Variants in CPNE5 observed in about 807,000 individuals in gnomAD.
The protein encoded by CPNE5 is copine 5.
A neutral mutation model predicts 81.1 loss-of-function variants in CPNE5; 42 were observed. The ratio of observed to expected loss-of-function variants is 0.52; its 90% CI spans 0.40 to 0.67. The LOEUF is 0.67. CPNE5 is among the 30% of genes least tolerant of loss of function. The pLI is 0.00. For synonymous variants in CPNE5, 313 were observed against 321.5 expected (o/e 0.97, Z 0.28); for missense variants, 612 against 815.5 (o/e 0.75, Z 3.04).
intron 1 of CPNE5, among the ~76,000 whole-genome samples, chr6:36,834,303 G>A (rs1399637770): frequency 1.2e-5 from 1 of 85,858 alleles, no homozygotes; most frequent in African/African-American, 4.5e-5. Context: ...GAGGGAGGGA[G>A]GGAGGGAGGA....
chr6:36,836,890 C>T (rs1773556282), intron 1 of CPNE5, among the ~76,000 whole-genome samples: 2 of 152,160 alleles, frequency 1.3e-5, no homozygotes, highest in Admixed American at 6.5e-5. Flanking sequence ...CCTCATCTCT[C>T]CCCACCAAAA....
Position 36,835,907 on chromosome 6 carries a change from A to G in CPNE5, c.95+3376T>C, listed in dbSNP as rs1034963038. On this transcript the variant is annotated intron_variant, in intron 1 of 20. Transcript: ENST00000244751. ...AATTTTTATTAACTTCCAGGTATCAAATAAGCAACAACATCAGTCGCTATT... is the reference window on the plus strand; with the variant it reads ...AATTTTTATTAACTTCCAGGTATCAGATAAGCAACAACATCAGTCGCTATT... Among the ~76,000 whole-genome samples the G allele has an allele frequency of 3.3e-5, 5 of 152,348 alleles. No homozygotes were observed. The East Asian group carries it at 9.6e-4, about 29-fold the overall frequency.
chr6:36,826,279 CAG>C (rs1772495950), intron 1 of CPNE5, among the ~76,000 whole-genome samples: 1 of 152,194 alleles, frequency 6.6e-6, no homozygotes, highest in African/African-American at 2.4e-5. Flanking sequence ...GACTAAGAAA[CAG>C]AATCTAGCCA....
chr6:36,839,389 C>A lies in CPNE5; in HGVS notation c.-12G>T, dbSNP rs776372762. 1.3e-6 allele frequency: 2 copies of A among 1,532,934 alleles called. No individual in the cohort carries two copies. Among genetic ancestry groups the A allele is most frequent in the Admixed American group, 2.0e-5 (1 of 50,020 alleles). The allele number at this position is 1,532,934 out of a possible 1,614,324, so 95.0% of individuals were successfully genotyped here. ...TCAGGCTGCTCCATCGCCCACCGCA[C>A]CCCCCACCCCAAATTAGTCAATCCC... On this transcript the variant is annotated 5_prime_UTR_variant, in exon 1 of 21. Coordinates refer to ENST00000244751, the MANE Select transcript of CPNE5 (RefSeq NM_020939.2). The surrounding 1 kb of genome is among the most constrained non-coding windows in gnomAD (Gnocchi z 7.3).
intron 3 of CPNE5, among the ~76,000 whole-genome samples, chr6:36,802,326 A>G (rs1263953038): frequency 1.3e-5 from 2 of 151,362 alleles, no homozygotes; most frequent in Non-Finnish European, 2.9e-5. Context: ...GCATAGTACC[A>G]TGCACTTGGG....
chr6:36,744,441 A>G (rs1763899909), intron 18 of CPNE5, 116 bp from the exon 19 acceptor site: 2 of 774,220 alleles, frequency 2.6e-6, no homozygotes, highest in Admixed American at 4.1e-5. Flanking sequence ...TGGGAGAGTG[A>G]ACATGGAGAG....
At chr6:36,768,225 C>CTTTTTTTTTTTTTTTTTTTTTTTTTTT (rs10586762) in intron 10 of CPNE5, among the ~76,000 whole-genome samples, 1 of 60,496 alleles carries the variant, frequency 1.7e-5, no homozygotes, top group African/African-American at 6.4e-5. Context: ...ATTCACAGTT[C>CTTTTTTTTTTTTTTTTTTTTTTTTTTT]TTTTTTTTTT....
At chr6:36,808,238 C>T (rs941427900) in intron 3 of CPNE5, among the ~76,000 whole-genome samples, 2 of 152,044 alleles carry the variant, frequency 1.3e-5, no homozygotes, top group Non-Finnish European at 2.9e-5. Flanking sequence ...TTACACGTGC[C>T]TGCCACCACG....
intron 8 of CPNE5, among the ~76,000 whole-genome samples, chr6:36,782,088 C>T (rs1562131194): frequency 1.3e-5 from 2 of 152,168 alleles, no homozygotes; most frequent in Non-Finnish European, 1.5e-5. Flanking sequence ...ACATGGGGAA[C>T]ACTGAAATAG....
At chr6:36,784,708 G>A (rs754780487) in intron 8 of CPNE5, among the ~76,000 whole-genome samples, 1 of 152,258 alleles carries the variant, frequency 6.6e-6, no homozygotes, top group African/African-American at 2.4e-5. Context: ...TTGGGAGGCC[G>A]AAGTAGGAGG....
At chr6:36,805,514 T>C (rs1770512591) in intron 3 of CPNE5, among the ~76,000 whole-genome samples, 1 of 152,228 alleles carries the variant, frequency 6.6e-6, no homozygotes, top group Non-Finnish European at 1.5e-5. Context: ...CCAAGCAATC[T>C]GCATGCAGGA....
chr6:36,774,182 G>A (rs1468850855), intron 10 of CPNE5, among the ~76,000 whole-genome samples: 2 of 151,788 alleles, frequency 1.3e-5, no homozygotes, highest in Non-Finnish European at 2.9e-5. Context: ...CCAGGAGTTT[G>A]ATACCAGCTT....
At chr6:36,812,859 A>AC in intron 3 of CPNE5, among the ~76,000 whole-genome samples, 1 of 152,334 alleles carries the variant, frequency 6.6e-6, no homozygotes, top group Non-Finnish European at 1.5e-5. Context: ...CAGAAAGCCT[A>AC]CCCCAAGCTT....
At chr6:36,786,338 G>A (rs1241771593) in intron 8 of CPNE5, among the ~76,000 whole-genome samples, 3 of 152,162 alleles carry the variant, frequency 2.0e-5, no homozygotes, top group Non-Finnish European at 2.9e-5. Flanking sequence ...CACAGATGGT[G>A]GGCACAGAAG....
intron 1 of CPNE5, among the ~76,000 whole-genome samples, chr6:36,836,252 C>T (rs542157913): frequency 6.6e-5 from 10 of 152,344 alleles, no homozygotes; most frequent in Admixed American, 3.9e-4. Context: ...GACTTGGCCC[C>T]GTGGTGGCCC....
chr6:36,763,840 T>C (rs1022473627), intron 11 of CPNE5, among the ~76,000 whole-genome samples: 1 of 151,438 alleles, frequency 6.6e-6, no homozygotes, highest in African/African-American at 2.4e-5. Flanking sequence ...CTAATGAGAT[T>C]ATTTTTAAAA....
intron 1 of CPNE5, among the ~76,000 whole-genome samples, chr6:36,836,688 T>C (rs1176865613): frequency 1.3e-5 from 2 of 152,136 alleles, no homozygotes; most frequent in African/African-American, 4.8e-5. Flanking sequence ...GTGAAGAATA[T>C]GCTGGAGAAA....
chr6:36,762,783 C>A, intron 12 of CPNE5, 134 bp downstream of exon 12: 1 of 715,104 alleles, frequency 1.4e-6, no homozygotes, highest in Non-Finnish European at 2.4e-6. Flanking sequence ...GTCTCCTTAA[C>A]GGTAGAATGG....
chr6:36,823,031 C>T (rs368454966), intron 2 of CPNE5, 27 bp downstream of exon 2: 21 of 1,546,088 alleles, frequency 1.4e-5, no homozygotes, highest in Admixed American at 3.7e-5. Flanking sequence ...CTATTGTTAC[C>T]GTTCTTATTG....
Sources: gnomAD v4.1 joint callset for allele counts (sites outside exome capture counted in the v4.1 genomes callset) on GRCh38, gnomAD v4.1.1 for gene constraint, Gnocchi (gnomAD v3.1) non-coding constraint, MANE v1.5 for transcripts, NCBI Gene and HGNC (gene_info 2026-07-23, HGNC 2026-07-21) for gene names.